Variants in PDCD1 observed in about 807,000 individuals in gnomAD.
PDCD1 encodes programmed cell death 1.
In PDCD1, 10 loss-of-function variants were observed where a neutral mutation model predicts 23.6. The observed-to-expected ratio is 0.42, with a 90% CI of 0.26 to 0.72. PDCD1 has a LOEUF of 0.72. Among genes scored for constraint, PDCD1 ranks in the 30% least tolerant of loss-of-function variants. The pLI, the probability that PDCD1 is intolerant of heterozygous loss-of-function variation, is 0.24. For synonymous variants in PDCD1, 168 were observed against 169.3 expected (o/e 0.99, Z 0.06); for missense variants, 313 against 397.8 (o/e 0.79, Z 1.81).
At chr2:241,856,571 T>G (rs1445183221) in intron 1 of PDCD1, among the ~76,000 whole-genome samples, 2 of 152,224 alleles carry the variant, frequency 1.3e-5, no homozygotes, top group Non-Finnish European at 2.9e-5. Flanking sequence ...ATGCAGTGGC[T>G]TATGCCTGTA....
chr2:241,850,396 C>T lies in PDCD1; in HGVS notation c.*662G>A. On this transcript the variant is annotated 3_prime_UTR_variant, in exon 5 of 5. Coordinates refer to ENST00000334409, the MANE Select transcript of PDCD1 (RefSeq NM_005018.3). ...GCCTGCCCGCTTACTGCCTCAGCTTCCCTGCCCCACAAAGGGCCTGAGGTG... is the reference window on the plus strand; with the variant it reads ...GCCTGCCCGCTTACTGCCTCAGCTTTCCTGCCCCACAAAGGGCCTGAGGTG... The T allele has an allele frequency of 4.2e-6, 1 of 238,444 alleles. No homozygotes were observed. The highest frequency in any genetic ancestry group is 8.2e-6 in the Non-Finnish European group (1 of 121,398). 14.8% of individuals were successfully genotyped at this position (238,444 alleles called of 1,614,324 possible). A position where few individuals can be genotyped will look rare whatever the true frequency, so the allele number is the denominator to read the frequency against.
chr2:241,850,779 A>G lies in PDCD1; in HGVS notation c.*279T>C. The G allele has an allele frequency of 1.6e-6, 1 of 643,850 alleles. No homozygotes were observed. Among genetic ancestry groups the G allele is most frequent in the Non-Finnish European group, 2.8e-6 (1 of 353,388 alleles). 39.9% of individuals were successfully genotyped at this position (643,850 alleles called of 1,614,324 possible). On this transcript the variant is annotated 3_prime_UTR_variant, in exon 5 of 5. Transcript: ENST00000334409. ...GAGATTCAGGGAGCTGGACGCAGGC[A>G]GCTCTGTGCTGGCAGGACCTGAAGC...
At chr2:241,854,663 C>T (rs1268257267) in intron 1 of PDCD1, among the ~76,000 whole-genome samples, 1 of 152,156 alleles carries the variant, frequency 6.6e-6, no homozygotes, top group Non-Finnish European at 1.5e-5. Context: ...CGGCACAGAG[C>T]AGGGGAAATG....
Position 241,850,074 on chromosome 2 carries a change from G to A in PDCD1, c.*984C>T, listed in dbSNP as rs974893031. The A allele has an allele frequency of 3.9e-5, 9 of 228,422 alleles. No individual in the cohort carries two copies. The highest frequency in any genetic ancestry group is 1.3e-3 in the Middle Eastern group (1 of 790). 14.1% of individuals were successfully genotyped at this position (228,422 alleles called of 1,614,324 possible). ...CGGGGGTACTAGGCCCCGGGGGAAC[G>A]CCTGTACCTTCCCACCCAGGCCCTG... On this transcript the variant is annotated 3_prime_UTR_variant, in exon 5 of 5. Coordinates refer to ENST00000334409, the MANE Select transcript of PDCD1 (RefSeq NM_005018.3).
intron 1 of PDCD1, among the ~76,000 whole-genome samples, chr2:241,855,125 C>T (rs536859261): frequency 9.2e-5 from 14 of 152,228 alleles, no homozygotes; most frequent in African/African-American, 3.1e-4. Context: ...CCGCCCCCCC[C>T]AACCCCCCTA....
chr2:241,858,876 T>C lies in PDCD1; in HGVS notation c.-38A>G. 1 of 1,522,454 alleles carries C rather than the reference T, an allele frequency of 6.6e-7. No homozygotes were observed. Among genetic ancestry groups the C allele is most frequent in the Non-Finnish European group, 8.9e-7 (1 of 1,120,184 alleles). 94.3% of individuals were successfully genotyped at this position (1,522,454 alleles called of 1,614,324 possible). ...CCCACCAGAGTGCCGCCTTCTCCAC[T>C]GCTCAGGCGGAGGTGAGCGGAAGGG... On this transcript the variant is annotated 5_prime_UTR_variant, in exon 1 of 5. Coordinates refer to ENST00000334409, the MANE Select transcript of PDCD1 (RefSeq NM_005018.3).
intron 4 of PDCD1, 56 bp from the exon 5 acceptor site, chr2:241,851,353 C>G (rs903147220): frequency 6.5e-7 from 1 of 1,544,300 alleles, no homozygotes; most frequent in Non-Finnish European, 8.7e-7. Context: ...GGAAGGAGGC[C>G]CGCGGCTCCA....
At position 241,850,710 on chromosome 2, in the gene PDCD1, GC is replaced by G; in HGVS notation, c.*347del. ...GTCAGGCAGGGCCACGGCGCCTTCA[GC>G]CCCGGGCCGCAGGCAGCAGCAGCAG... On this transcript the variant is annotated 3_prime_UTR_variant, in exon 5 of 5. Transcript: ENST00000334409. 1 of 555,244 alleles carries G rather than the reference GC, an allele frequency of 1.8e-6. No individual in the cohort carries two copies. The highest frequency in any genetic ancestry group is 3.4e-6 in the Non-Finnish European group (1 of 294,696). The allele number at this position is 555,244 out of a possible 1,614,324, so 34.4% of individuals were successfully genotyped here. A position where few individuals can be genotyped will look rare whatever the true frequency, so the allele number is the denominator to read the frequency against.
intron 1 of PDCD1, among the ~76,000 whole-genome samples, chr2:241,855,567 G>T (rs990553803): frequency 1.3e-5 from 2 of 152,204 alleles, no homozygotes; most frequent in African/African-American, 4.8e-5. Flanking sequence ...GGTCAGGAGG[G>T]AGACAGAGCC....
chr2:241,851,035 A>T lies in PDCD1; in HGVS notation c.*23T>A. ...GGGCTCATGGTGGAGGGTCTGCAGAACACTGGTGGCCAAGGAAGCCGGTCA... is the reference window on the plus strand; with the variant it reads ...GGGCTCATGGTGGAGGGTCTGCAGATCACTGGTGGCCAAGGAAGCCGGTCA... On this transcript the variant is annotated 3_prime_UTR_variant, in exon 5 of 5. Coordinates refer to ENST00000334409, the MANE Select transcript of PDCD1 (RefSeq NM_005018.3). The T allele has an allele frequency of 6.2e-7, 1 of 1,601,540 alleles. No homozygotes were observed. The highest frequency in any genetic ancestry group is 1.8e-4 in the Middle Eastern group (1 of 5,520).
Position 241,852,661 on chromosome 2 carries a change from C to G in PDCD1, c.396G>C (p.Ala132=). The change falls in exon 2 of 5, where the codon GCG becomes GCC. Residue 132 remains alanine (A), a synonymous_variant. Transcript: ENST00000334409. The stretch of plus-strand genomic sequence containing the variant: ...CTGCCCGCAGGCTCTCTTTGATCTG[C>G]GCCTTGGGGGCCAGGGAGATGGCCC... ...LCGAISLAPK[A]QIKESLRAEL... 3 of 1,613,160 alleles carry G rather than the reference C, an allele frequency of 1.9e-6. No homozygotes were observed. Among genetic ancestry groups the G allele is most frequent in the Non-Finnish European group, 1.7e-6 (2 of 1,179,890 alleles).
At chr2:241,851,662 C>T (rs1481161073) in intron 4 of PDCD1, among the ~76,000 whole-genome samples, 3 of 151,226 alleles carry the variant, frequency 2.0e-5, no homozygotes, top group African/African-American at 4.9e-5. Context: ...CATATGTGGG[C>T]CGGGCACCCC....
At chr2:241,853,465 T>G (rs1427735608) in intron 1 of PDCD1, among the ~76,000 whole-genome samples, 1 of 152,242 alleles carries the variant, frequency 6.6e-6, no homozygotes, top group African/African-American at 2.4e-5. Context: ...TGCCCCCTTT[T>G]CAGGACAAGC....
intron 1 of PDCD1, among the ~76,000 whole-genome samples, chr2:241,853,236 G>A (rs1299299558): frequency 1.3e-5 from 2 of 151,948 alleles, no homozygotes; most frequent in Non-Finnish European, 2.9e-5. Context: ...TTCCTACTAA[G>A]AGCCTTCACC....
chr2:241,855,544 G>A (rs982347394), intron 1 of PDCD1, among the ~76,000 whole-genome samples: 1 of 152,340 alleles, frequency 6.6e-6, no homozygotes, highest in Non-Finnish European at 1.5e-5. Context: ...AGAGAGGGCT[G>A]TGCCCTATGC....
In PDCD1 at chr2:241,851,218, T is replaced by C. The variant is rs1185044781; in HGVS notation, c.707A>G (p.Glu236Gly). 6.2e-7 allele frequency: 1 copy of C among 1,613,556 alleles called. No individual in the cohort carries two copies. The highest frequency in any genetic ancestry group is 8.5e-7 in the Non-Finnish European group (1 of 1,179,932). ...CTCAGGGACACAGGGCACGGGGGGCTCCGGGGTCTTCTCTCGCCACTGGAA... is the reference window on the plus strand; with the variant it reads ...CTCAGGGACACAGGGCACGGGGGGCCCCGGGGTCTTCTCTCGCCACTGGAA... ...LDFQWREKTP[E>G]PPVPCVPEQT... The change falls in exon 5 of 5, where the codon GAG becomes GGG. Residue 236 changes from glutamate (E) to glycine (G), a missense_variant. Coordinates refer to ENST00000334409, the MANE Select transcript of PDCD1 (RefSeq NM_005018.3).
intron 1 of PDCD1, among the ~76,000 whole-genome samples, chr2:241,854,322 C>T (rs915648237): frequency 2.6e-5 from 4 of 152,190 alleles, no homozygotes; most frequent in Non-Finnish European, 4.4e-5. Context: ...GTGGCAGGGG[C>T]GAGGGCCAGC....
At chr2:241,854,156 G>A (rs1275191377) in intron 1 of PDCD1, among the ~76,000 whole-genome samples, 1 of 152,204 alleles carries the variant, frequency 6.6e-6, no homozygotes, top group Non-Finnish European at 1.5e-5. Context: ...CAACCTCACT[G>A]GGCACCCTCC....
intron 1 of PDCD1, among the ~76,000 whole-genome samples, chr2:241,855,969 C>T (rs752028709): frequency 9.2e-5 from 14 of 152,162 alleles, no homozygotes; most frequent in African/African-American, 3.1e-4. Context: ...AATAGGGTGA[C>T]GGCAGCTGGG....
Sources: gnomAD v4.1 joint callset for allele counts (sites outside exome capture counted in the v4.1 genomes callset) on GRCh38, gnomAD v4.1.1 for gene constraint, MANE v1.5 for transcripts, NCBI Gene and HGNC (gene_info 2026-07-23, HGNC 2026-07-21) for gene names.